Variants in PDE1C observed in about 807,000 individuals in gnomAD.
The protein encoded by PDE1C is dual specificity calcium/calmodulin-dependent 3',5'-cyclic nucleotide phosphodiesterase 1C.
PDE1C carries 62 observed loss-of-function variants against 93.1 expected under a neutral mutation model. That is an observed-to-expected ratio of 0.67 (90% confidence interval 0.54 to 0.82). The LOEUF (loss-of-function observed/expected upper bound fraction) is 0.82. Ranked by LOEUF, PDE1C falls within the 40% of genes least tolerant of loss-of-function variation. The pLI, the probability that PDE1C is intolerant of heterozygous loss-of-function variation, is 0.00. For synonymous variants in PDE1C, 325 were observed against 310.1 expected (o/e 1.05, Z -0.50); for missense variants, 742 against 884.6 (o/e 0.84, Z 2.04).
At chr7:31,885,289 CTCCA>C (rs1449522975) in intron 2 of PDE1C, among the ~76,000 whole-genome samples, 1 of 152,194 alleles carries the variant, frequency 6.6e-6, no homozygotes, top group Non-Finnish European at 1.5e-5. Context: ...GTTTCCAGCA[CTCCA>C]TCCATTTCTG....
intron 1 of PDE1C, among the ~76,000 whole-genome samples, chr7:32,212,838 G>T (rs1806147581): frequency 6.6e-6 from 1 of 152,146 alleles, no homozygotes; most frequent in Non-Finnish European, 1.5e-5. Flanking sequence ...CCTGCCTGTT[G>T]TTCTCAAACT....
chr7:32,101,497 GT>G (rs779133328), intron 3 of PDE1C, among the ~76,000 whole-genome samples: 9 of 152,112 alleles, frequency 5.9e-5, no homozygotes, highest in Non-Finnish European at 1.2e-4. Context: ...ACTTGGTGCT[GT>G]CCCCATGGTA....
chr7:32,234,676 C>G (rs1472260541), intron 1 of PDE1C, among the ~76,000 whole-genome samples: 5 of 151,900 alleles, frequency 3.3e-5, no homozygotes, highest in Non-Finnish European at 7.4e-5. Context: ...CTGCTGAATT[C>G]TAGAAAACTA....
intron 2 of PDE1C, among the ~76,000 whole-genome samples, chr7:31,909,969 T>C (rs1213136857): frequency 2.0e-5 from 3 of 152,180 alleles, no homozygotes; most frequent in Admixed American, 6.5e-5. Context: ...GAGATGCCAG[T>C]AGCATCCACC....
chr7:31,736,941 T>C, the PDE1C span, among the ~76,000 whole-genome samples: 1 of 151,760 alleles, frequency 6.6e-6, no homozygotes, highest in Non-Finnish European at 1.5e-5. Flanking sequence ...CTTCTAATTC[T>C]TTTTTTCCCC....
At chr7:31,705,619 C>CAACACAT in the PDE1C span, among the ~76,000 whole-genome samples, 1 of 152,192 alleles carries the variant, frequency 6.6e-6, no homozygotes, top group Admixed American at 6.5e-5. Context: ...TCATTAAGAT[C>CAACACAT]AACACATAGT....
chr7:31,983,539 T>C (rs1186686836), intron 2 of PDE1C, among the ~76,000 whole-genome samples: 1 of 152,148 alleles, frequency 6.6e-6, no homozygotes, highest in East Asian at 1.9e-4. Flanking sequence ...AAACAAATGT[T>C]CCTGCAAAAG....
chr7:31,884,107 C>T (rs962725369), intron 2 of PDE1C, among the ~76,000 whole-genome samples: 1 of 152,186 alleles, frequency 6.6e-6, no homozygotes, highest in Non-Finnish European at 1.5e-5. Context: ...ATTCAATCAA[C>T]TTCCTGGCAG....
chr7:32,084,682 C>CT (rs1796950301), intron 3 of PDE1C, among the ~76,000 whole-genome samples: 1 of 146,932 alleles, frequency 6.8e-6, no homozygotes, highest in African/African-American at 2.5e-5. Context: ...CAAACTAGAA[C>CT]TCAGGATTAA....
At chr7:31,989,462 A>G (rs1306885607) in intron 2 of PDE1C, among the ~76,000 whole-genome samples, 5 of 152,220 alleles carry the variant, frequency 3.3e-5, no homozygotes, top group African/African-American at 1.2e-4. Context: ...TACATGATAT[A>G]TTATATATCT....
intron 1 of PDE1C, among the ~76,000 whole-genome samples, chr7:32,423,498 A>G (rs1190818182): frequency 6.6e-6 from 1 of 152,210 alleles, no homozygotes; most frequent in East Asian, 1.9e-4. Context: ...GGTGACTGTG[A>G]TACACACTTT....
At chr7:32,282,485 A>AAAATAGATAGATAGATAGATAG (rs1554300215) in intron 1 of PDE1C, among the ~76,000 whole-genome samples, 1 of 143,860 alleles carries the variant, frequency 7.0e-6, no homozygotes, top group African/African-American at 2.6e-5. Context: ...TCAAAAAAAA[A>AAAATAGATAGATAGATAGATAG]ATAGATAGAT....
At chr7:31,712,336 C>G in the PDE1C span, among the ~76,000 whole-genome samples, 1 of 152,198 alleles carries the variant, frequency 6.6e-6, no homozygotes, top group Non-Finnish European at 1.5e-5. Flanking sequence ...AGCCTAACAG[C>G]CTAAGTTTGC....
chr7:32,238,321 T>C (rs996447567), intron 1 of PDE1C, among the ~76,000 whole-genome samples: 4 of 152,220 alleles, frequency 2.6e-5, no homozygotes, highest in Non-Finnish European at 4.4e-5. Flanking sequence ...AAGAAACTTA[T>C]AAAATTTTAT....
chr7:32,088,684 C>T (rs1055802608), intron 3 of PDE1C, among the ~76,000 whole-genome samples: 2 of 152,202 alleles, frequency 1.3e-5, no homozygotes, highest in South Asian at 2.1e-4. Flanking sequence ...TATGCACAAG[C>T]GGTTCTGACC....
intron 9 of PDE1C, among the ~76,000 whole-genome samples, chr7:31,845,680 A>T (rs866281122): frequency 6.6e-5 from 10 of 152,118 alleles, no homozygotes; most frequent in Non-Finnish European, 1.0e-4. Flanking sequence ...AAAAATTTTT[A>T]AAAAGGTTTG....
At chr7:31,895,419 G>T (rs888912154) in intron 2 of PDE1C, among the ~76,000 whole-genome samples, 1 of 152,110 alleles carries the variant, frequency 6.6e-6, no homozygotes, top group African/African-American at 2.4e-5. Context: ...GGAACCAGAG[G>T]ACAATACAAG....
chr7:31,932,638 A>G (rs769650659), intron 2 of PDE1C, among the ~76,000 whole-genome samples: 1 of 152,204 alleles, frequency 6.6e-6, no homozygotes, highest in Admixed American at 6.5e-5. Flanking sequence ...TAGTTCAACC[A>G]GTGTGGAAGA....
At chr7:32,152,546 C>G (rs1427800646) in intron 3 of PDE1C, among the ~76,000 whole-genome samples, 2 of 152,040 alleles carry the variant, frequency 1.3e-5, no homozygotes, top group African/African-American at 4.8e-5. Context: ...TGGAAGAAGC[C>G]CCATGAAAAG....
Sources: allele counts gnomAD v4.1 joint callset (sites outside exome capture counted in the v4.1 genomes callset), GRCh38; gene constraint gnomAD v4.1.1; transcripts MANE v1.5; gene names NCBI Gene and HGNC (gene_info 2026-07-23, HGNC 2026-07-21).